The following LIN52 variants were observed in gnomAD, a reference collection of about 807,000 sequenced individuals.
LIN52 encodes the protein protein lin-52 homolog.
LIN52 carries 4 observed loss-of-function variants against 18.5 expected under a neutral mutation model. The observed-to-expected ratio is 0.22, with a 90% CI of 0.11 to 0.49. The LOEUF (loss-of-function observed/expected upper bound fraction) is 0.49. LIN52 is among the 20% of genes least tolerant of loss of function. The pLI is 0.97. For synonymous variants in LIN52, 34 were observed against 45.5 expected, an observed-to-expected ratio of 0.75 and a Z score of 1.02; for missense variants, 102 against 139.5, an observed-to-expected ratio of 0.73 and a Z score of 1.35.
chr14:74,199,133 G>A lies in LIN52; in HGVS notation c.*156G>A, dbSNP rs1249972312. 1.8e-6 allele frequency: 1 copy of A among 559,338 alleles called. No individual in the cohort carries two copies. Among genetic ancestry groups the A allele is most frequent in the African/African-American group, 1.9e-5 (1 of 52,856 alleles). The allele number at this position is 559,338 out of a possible 1,614,324, so 34.6% of individuals were successfully genotyped here. A position where few individuals can be genotyped will look rare whatever the true frequency, so the allele number is the denominator to read the frequency against. On this transcript the variant is annotated 3_prime_UTR_variant, in exon 6 of 6. Coordinates refer to ENST00000555028, the MANE Select transcript of LIN52 (RefSeq NM_001024674.3). Reference sequence around the variant, plus strand: ...TGCTCCTGGCACTCTACACGTCTGAGGACATTCAGCAGCAAGAGAAGAATC... The same window carrying A: ...TGCTCCTGGCACTCTACACGTCTGAAGACATTCAGCAGCAAGAGAAGAATC...
intron 5 of LIN52, among the ~76,000 whole-genome samples, chr14:74,141,241 C>G (rs993356196): frequency 1.3e-5 from 2 of 152,198 alleles, no homozygotes; most frequent in Admixed American, 1.3e-4. Flanking sequence ...CGAACAGTTT[C>G]TCCATGGATG....
At chr14:74,145,566 G>T (rs190101624) in intron 5 of LIN52, among the ~76,000 whole-genome samples, 39 of 152,284 alleles carry the variant, frequency 2.6e-4, no homozygotes, top group Middle Eastern at 6.8e-3. Flanking sequence ...GGCATTTTTT[G>T]ATGACAATGA....
chr14:74,139,196 C>G (rs920632465), intron 5 of LIN52, among the ~76,000 whole-genome samples: 4 of 152,184 alleles, frequency 2.6e-5, no homozygotes, highest in African/African-American at 9.7e-5. Context: ...TTTAAATCAC[C>G]TGGCCTGGCT....
chr14:74,095,035 A>G (rs1008537014), intron 2 of LIN52, among the ~76,000 whole-genome samples: 9 of 151,718 alleles, frequency 5.9e-5, no homozygotes, highest in Admixed American at 5.9e-4. Flanking sequence ...GCTAAAGTGC[A>G]ATGTCACGAT....
At chr14:74,145,675 T>C (rs965466002) in intron 5 of LIN52, among the ~76,000 whole-genome samples, 16 of 152,252 alleles carry the variant, frequency 1.1e-4, no homozygotes, top group Admixed American at 2.6e-4. Context: ...GATTTAGAAT[T>C]GTAAACTATA....
chr14:74,103,138 G>A (rs1305425149), intron 5 of LIN52, among the ~76,000 whole-genome samples: 2 of 151,764 alleles, frequency 1.3e-5, no homozygotes, highest in African/African-American at 2.4e-5. Flanking sequence ...GAGTTCAGTG[G>A]TGCAATCTCG....
intron 5 of LIN52, among the ~76,000 whole-genome samples, chr14:74,111,843 G>T (rs2060930928): frequency 6.6e-6 from 1 of 151,406 alleles, no homozygotes; most frequent in African/African-American, 2.4e-5. Context: ...CTGGATTTTT[G>T]ATCTATGTAA....
chr14:74,176,687 T>C (rs1421803395), intron 5 of LIN52, among the ~76,000 whole-genome samples: 1 of 152,204 alleles, frequency 6.6e-6, no homozygotes, highest in Non-Finnish European at 1.5e-5. Flanking sequence ...TATAATCTTA[T>C]GGGACCACCA....
chr14:74,197,016 T>C (rs2078916800), intron 5 of LIN52, among the ~76,000 whole-genome samples: 1 of 152,148 alleles, frequency 6.6e-6, no homozygotes. Context: ...TTCTCTAGAG[T>C]AGTTAGTCCT....
intron 5 of LIN52, among the ~76,000 whole-genome samples, chr14:74,190,534 A>G (rs1409563670): frequency 1.3e-5 from 2 of 151,558 alleles, no homozygotes; most frequent in African/African-American, 4.8e-5. Context: ...TGGGATTACA[A>G]GCATGTGCCA....
chr14:74,181,267 G>GAC (rs1336673218), intron 5 of LIN52, among the ~76,000 whole-genome samples: 1 of 151,696 alleles, frequency 6.6e-6, no homozygotes, highest in Admixed American at 6.6e-5. Context: ...AATGTAGCGA[G>GAC]ACCTCATCTA....
At chr14:74,157,690 C>T (rs941736524) in intron 5 of LIN52, among the ~76,000 whole-genome samples, 2 of 151,756 alleles carry the variant, frequency 1.3e-5, no homozygotes, top group Non-Finnish European at 2.9e-5. Flanking sequence ...GCTGGGATTA[C>T]AGGGATGAGC....
intron 5 of LIN52, among the ~76,000 whole-genome samples, chr14:74,165,586 G>C (rs575465133): frequency 2.9e-5 from 4 of 138,486 alleles, no homozygotes; most frequent in Admixed American, 2.3e-4. Context: ...TTGGCTCCCT[G>C]CAACCTCCAT....
chr14:74,097,417 TTC>T (rs1265762189), intron 3 of LIN52, among the ~76,000 whole-genome samples: 2 of 131,158 alleles, frequency 1.5e-5, no homozygotes, highest in Admixed American at 1.6e-4. Context: ...GCTGCATTTT[TTC>T]TTTTTCTTTT....
At chr14:74,110,585 G>A (rs867931511) in intron 5 of LIN52, among the ~76,000 whole-genome samples, 1 of 151,986 alleles carries the variant, frequency 6.6e-6, no homozygotes, top group East Asian at 1.9e-4. Flanking sequence ...CAGGAGAATC[G>A]CTTGAACCTG....
chr14:74,125,955 G>A lies in LIN52; in HGVS notation c.283+24717G>A, dbSNP rs562064532. On this transcript the variant is annotated intron_variant, in intron 5 of 5. Coordinates refer to ENST00000555028, the MANE Select transcript of LIN52 (RefSeq NM_001024674.3). ...CTAATGTTAAATGATGAGTTAATGG[G>A]TGCAGCACACCAACATGGCACATGT... 4.6e-5 allele frequency among the ~76,000 whole-genome samples: 7 copies of A among 150,870 alleles called. No individual in the cohort carries two copies. In the South Asian group the frequency reaches 1.5e-3, roughly 32 times the overall value.
intron 5 of LIN52, among the ~76,000 whole-genome samples, chr14:74,158,846 C>T (rs2061212108): frequency 6.6e-6 from 1 of 152,178 alleles, no homozygotes; most frequent in East Asian, 1.9e-4. Context: ...TCACAAATGG[C>T]CCTTAATAAT....
At chr14:74,143,519 A>C (rs1454852589) in intron 5 of LIN52, among the ~76,000 whole-genome samples, 4 of 152,102 alleles carry the variant, frequency 2.6e-5, no homozygotes, top group African/African-American at 9.7e-5. Flanking sequence ...GCTCCACTGC[A>C]CTCCAGCCTG....
rs1555385689 is a variant in LIN52 at position 74,200,823 on chromosome 14, G to GCA, written c.*1847_*1848insAC. 6.6e-5 allele frequency: 10 copies of GCA among 151,836 alleles called. No individual in the cohort carries two copies. The highest frequency in any genetic ancestry group is 3.3e-4 in the Admixed American group (5 of 15,230). The allele number at this position is 151,836 out of a possible 1,614,324, so 9.4% of individuals were successfully genotyped here. On this transcript the variant is annotated 3_prime_UTR_variant, in exon 6 of 6. Transcript: ENST00000555028. ...TTGAAGAGTGTGTGTGTGTGTGTGC[G>GCA]CGCGCGCATGTGGCCAAAAAATAGT...
Sources: gnomAD v4.1 joint callset for allele counts (sites outside exome capture counted in the v4.1 genomes callset) on GRCh38, gnomAD v4.1.1 for gene constraint, MANE v1.5 for transcripts, NCBI Gene and HGNC (gene_info 2026-07-23, HGNC 2026-07-21) for gene names.